The following CD163L1 variants were observed in gnomAD, a reference collection of about 807,000 sequenced individuals.
CD163L1 encodes the protein scavenger receptor cysteine-rich type 1 protein M160.
A neutral mutation model predicts 165.4 loss-of-function variants in CD163L1; 124 were observed. The observed-to-expected ratio is 0.75, with a 90% CI of 0.65 to 0.87. The LOEUF is 0.87. Ranked by LOEUF, CD163L1 falls within the 40% of genes least tolerant of loss-of-function variation. The pLI is 0.00. For missense variants in CD163L1, 1,525 were observed against 1,799.9 expected (o/e 0.85, Z 2.76); for synonymous variants, 585 against 662.2 (o/e 0.88, Z 1.79).
chr12:7,361,233 T>A (rs1946884142), intron 18 of CD163L1, among the ~76,000 whole-genome samples: 1 of 152,182 alleles, frequency 6.6e-6, no homozygotes, highest in Non-Finnish European at 1.5e-5. Context: ...AAGGTAAACC[T>A]GGTACTTGTA....
In CD163L1 at chr12:7,408,897, C is replaced by T. The variant is rs751763868; in HGVS notation, c.767-2045G>A. Among the ~76,000 whole-genome samples, 123 of 152,298 alleles carry T rather than the reference C, an allele frequency of 8.1e-4. 2 individuals are homozygous for T. The highest frequency in any genetic ancestry group is 2.7e-3 in the African/African-American group (113 of 41,558). ...ATAGGATAAAAAGGGAGATAGCCAA[C>T]GCCCAACATGGTTTGTTTTCCTTTT... On this transcript the variant is annotated intron_variant, in intron 4 of 19. Coordinates refer to ENST00000313599, the MANE Select transcript of CD163L1 (RefSeq NM_174941.6).
chr12:7,386,808 A>G (rs1192100363), intron 8 of CD163L1, among the ~76,000 whole-genome samples: 3 of 152,204 alleles, frequency 2.0e-5, no homozygotes, highest in Admixed American at 6.5e-5. Context: ...CAAACTAGGC[A>G]TAGAAGGAAC....
chr12:7,439,053 C>G (rs777930225), intron 2 of CD163L1: 2 of 1,589,458 alleles, frequency 1.3e-6, no homozygotes, highest in African/African-American at 2.7e-5. Flanking sequence ...ATGGCACTGT[C>G]TAGGGGCTTC....
At chr12:7,352,160 A>T (rs768126861), downstream of CD163L1, among the ~76,000 whole-genome samples, 1 of 152,176 alleles carries the variant, frequency 6.6e-6, no homozygotes, top group Non-Finnish European at 1.5e-5. Flanking sequence ...GAACAGATTG[A>T]CAAATCCTGT....
chr12:7,393,567 G>C (rs1247544741), intron 8 of CD163L1, among the ~76,000 whole-genome samples: 2 of 152,136 alleles, frequency 1.3e-5, no homozygotes, highest in Non-Finnish European at 2.9e-5. Context: ...TGGAAGTTCT[G>C]GCCAGGGCAA....
rs144333073 is a variant in CD163L1 at position 7,433,902 on chromosome 12, C to T, written c.125-208G>A. On this transcript the variant is annotated intron_variant, in intron 2 of 19. Transcript: ENST00000313599. ...GAGACCACATTGCAGCATAGTTTTGCTTTGCATTGTAATGTGAAAATTAAA... is the reference window on the plus strand; with the variant it reads ...GAGACCACATTGCAGCATAGTTTTGTTTTGCATTGTAATGTGAAAATTAAA... 4.8e-3 allele frequency among the ~76,000 whole-genome samples: 733 copies of T among 152,204 alleles called. 9 individuals are homozygous for T. Among genetic ancestry groups the T allele is most frequent in the African/African-American group, 0.017 (693 of 41,528 alleles).
chr12:7,323,276 G>T, the CD163L1 span: 1 of 1,611,308 alleles, frequency 6.2e-7, no homozygotes, highest in Non-Finnish European at 8.5e-7. Context: ...AATTAAACCA[G>T]GTTCAATGGG....
intron 19 of CD163L1, 136 bp downstream of exon 19, chr12:7,357,244 G>A (rs1198031035): frequency 1.8e-6 from 1 of 562,468 alleles, no homozygotes; most frequent in Non-Finnish European, 3.2e-6. Context: ...GGTTAACATA[G>A]AATATTTGAA....
chr12:7,350,586 CAGTT>C (rs1309800976), downstream of CD163L1, among the ~76,000 whole-genome samples: 4 of 152,130 alleles, frequency 2.6e-5, no homozygotes, highest in Non-Finnish European at 5.9e-5. Context: ...TATCATAGTA[CAGTT>C]ACTCTATTAG....
downstream of CD163L1, among the ~76,000 whole-genome samples, chr12:7,351,983 A>C (rs1946709250): frequency 6.6e-6 from 1 of 152,190 alleles, no homozygotes; most frequent in Non-Finnish European, 1.5e-5. Flanking sequence ...TATATTGAAT[A>C]AAGGAAATAA....
the CD163L1 span, chr12:7,324,225 T>C: frequency 6.2e-7 from 1 of 1,602,514 alleles, no homozygotes; most frequent in Non-Finnish European, 8.5e-7. Flanking sequence ...GCCATACCCA[T>C]CTCTGTTCTG....
the CD163L1 span, among the ~76,000 whole-genome samples, chr12:7,330,788 G>C: frequency 6.6e-6 from 1 of 152,214 alleles, no homozygotes; most frequent in Non-Finnish European, 1.5e-5. Flanking sequence ...CATTTCAAGA[G>C]TTCCTCTGGC....
chr12:7,325,355 G>A, the CD163L1 span, among the ~76,000 whole-genome samples: 2 of 152,214 alleles, frequency 1.3e-5, no homozygotes, highest in African/African-American at 4.8e-5. Context: ...AAGACAAATA[G>A]AAAATGGTGG....
downstream of CD163L1, among the ~76,000 whole-genome samples, chr12:7,344,086 T>C (rs1187996846): frequency 2.6e-5 from 4 of 151,508 alleles, no homozygotes; most frequent in Non-Finnish European, 5.9e-5. Flanking sequence ...CCTTTTTTTT[T>C]GTTTGTTTTT....
At chr12:7,350,447 G>A (rs1946699299), downstream of CD163L1, among the ~76,000 whole-genome samples, 1 of 152,076 alleles carries the variant, frequency 6.6e-6, no homozygotes, top group South Asian at 2.1e-4. Context: ...TTACAGTTAC[G>A]TGGTTGGTTA....
At chr12:7,407,138 C>A (rs1039151858) in intron 4 of CD163L1, among the ~76,000 whole-genome samples, 1 of 152,064 alleles carries the variant, frequency 6.6e-6, no homozygotes. Context: ...ATAAATCAAT[C>A]AAAGGTCAAT....
chr12:7,327,167 G>A, the CD163L1 span: 1 of 1,455,742 alleles, frequency 6.9e-7, no homozygotes, highest in South Asian at 1.4e-5. Flanking sequence ...AGATTTTACT[G>A]GATTTTGATT....
intron 8 of CD163L1, among the ~76,000 whole-genome samples, chr12:7,390,466 A>G (rs1404440486): frequency 6.6e-6 from 1 of 152,182 alleles, no homozygotes; most frequent in Non-Finnish European, 1.5e-5. Flanking sequence ...TTAAAATGTC[A>G]CATGTACCCC....
intron 8 of CD163L1, among the ~76,000 whole-genome samples, chr12:7,382,161 T>C (rs886802635): frequency 4.6e-5 from 7 of 151,744 alleles, no homozygotes; most frequent in Admixed American, 2.0e-4. Context: ...ACAATACAGA[T>C]ACAAGGACAG....
Sources: gnomAD v4.1 joint callset for allele counts (sites outside exome capture counted in the v4.1 genomes callset) on GRCh38, gnomAD v4.1.1 for gene constraint, MANE v1.5 for transcripts, NCBI Gene and HGNC (gene_info 2026-07-23, HGNC 2026-07-21) for gene names.